Variants in ZPBP observed in about 807,000 individuals in gnomAD.
ZPBP encodes the protein zona pellucida binding protein.
In ZPBP, 26 loss-of-function variants were observed where a neutral mutation model predicts 44.8. The ratio of observed to expected loss-of-function variants is 0.58; its 90% confidence interval spans 0.43 to 0.81. The LOEUF (loss-of-function observed/expected upper bound fraction) is 0.81. Among genes scored for constraint, ZPBP ranks in the 30% least tolerant of loss-of-function variants. The pLI, the probability that ZPBP is intolerant of heterozygous loss-of-function variation, is 0.00. For synonymous variants in ZPBP, 174 were observed against 153.2 expected (o/e 1.14, Z -1.00); for missense variants, 409 against 434.0 (o/e 0.94, Z 0.51).
At chr7:49,850,636 A>G (rs780991710) in intron 2 of ZPBP, 2 of 152,204 alleles carry the variant, frequency 1.3e-5, no homozygotes, top group African/African-American at 4.8e-5. Flanking sequence ...TACCTAAAGG[A>G]TCAACTGTTT....
At chr7:49,917,781 T>C (rs562667354) in intron 1 of ZPBP, 1 of 152,218 alleles carries the variant, frequency 6.6e-6, no homozygotes, top group South Asian at 2.1e-4. Flanking sequence ...ATTAATATTT[T>C]CTATTATTTG....
At chr7:49,917,563 G>A (rs190982881) in intron 1 of ZPBP, 1 of 152,264 alleles carries the variant, frequency 6.6e-6, no homozygotes, top group African/African-American at 2.4e-5. Flanking sequence ...AGCAATCAAA[G>A]TATGTACCTA....
chr7:50,015,885 T>C (rs1291473646), intron 6 of ZPBP, among the ~76,000 whole-genome samples: 1 of 152,096 alleles, frequency 6.6e-6, no homozygotes, highest in Non-Finnish European at 1.5e-5. Flanking sequence ...CCAGTAAGAA[T>C]GGCTATTATT....
At chr7:50,086,056 A>G (rs1323200948) in intron 2 of ZPBP, among the ~76,000 whole-genome samples, 2 of 152,140 alleles carry the variant, frequency 1.3e-5, no homozygotes, top group Non-Finnish European at 2.9e-5. Context: ...CTAGGAGACT[A>G]ACTAGTTCAA....
At chr7:50,019,420 A>G (rs1206372230) in intron 5 of ZPBP, among the ~76,000 whole-genome samples, 1 of 152,100 alleles carries the variant, frequency 6.6e-6, no homozygotes, top group African/African-American at 2.4e-5. Context: ...ACTTCCTTAG[A>G]ACCCATAAAA....
intron 3 of ZPBP, among the ~76,000 whole-genome samples, chr7:50,064,845 C>G (rs1344825937): frequency 6.6e-6 from 1 of 152,130 alleles, no homozygotes; most frequent in Non-Finnish European, 1.5e-5. Context: ...ATACATCCTC[C>G]TCGGCTGACA....
chr7:50,002,604 A>G (rs1334642634), intron 6 of ZPBP, among the ~76,000 whole-genome samples: 1 of 152,226 alleles, frequency 6.6e-6, no homozygotes, highest in Non-Finnish European at 1.5e-5. Context: ...CCAGAAGGGT[A>G]AAGTATCTGA....
intron 2 of ZPBP, among the ~76,000 whole-genome samples, chr7:49,887,532 G>A (rs1362984353): frequency 1.7e-5 from 1 of 57,848 alleles, no homozygotes; most frequent in Non-Finnish European, 3.5e-5. Context: ...ACACCATGCT[G>A]TATTCTTAAA....
chr7:49,983,420 G>C lies in ZPBP; in HGVS notation c.883C>G (p.Gln295Glu). ...AAGCAGCGATTAATCCAAACCATTT[G>C]GAGAGTACCTTCAATATAGTATATT... is the stretch of plus-strand genomic sequence containing the variant. ...PQIYYIEGTL[Q>E]MVWINRCFPG... The change falls in exon 7 of 8, where the codon CAA becomes GAA. Residue 295 changes from glutamine to glutamate, a missense_variant. Coordinates refer to ENST00000046087, the MANE Select transcript of ZPBP (RefSeq NM_007009.3). The C allele has an allele frequency of 1.2e-6, 2 of 1,613,054 alleles. No homozygotes were observed. Among genetic ancestry groups the C allele is most frequent in the South Asian group, 2.2e-5 (2 of 91,044 alleles).
chr7:50,070,142 C>G (rs1298988039), intron 3 of ZPBP, among the ~76,000 whole-genome samples: 1 of 152,154 alleles, frequency 6.6e-6, no homozygotes, highest in African/African-American at 2.4e-5. Flanking sequence ...TGTCTCTCAT[C>G]CTGGGTAGGT....
rs1801056049 is a variant in ZPBP, at chr7:50,058,052, G to A, written c.424C>T (p.Leu142Phe). The A allele has an allele frequency of 6.2e-7, 1 of 1,613,390 alleles. No individual in the cohort carries two copies. Among genetic ancestry groups the A allele is most frequent in the Non-Finnish European group, 8.5e-7 (1 of 1,179,750 alleles). Residue 142 changes from leucine to phenylalanine, a missense_variant, in exon 4 of 8, where the codon CTC becomes TTC. Physicochemically the swap from Leu to Phe is conservative, Grantham distance 22. Transcript: ENST00000046087. ...ESMSGIYTCF[L>F]EYKPTVEEIV... ...TCTTCCACAGTAGGTTTATATTCGAGGAAACATGTATAAATTCCACTCATA... is the reference window on the plus strand; with the variant it reads ...TCTTCCACAGTAGGTTTATATTCGAAGAAACATGTATAAATTCCACTCATA...
chr7:50,010,908 C>CAAAAAAAAA (rs71554292), intron 6 of ZPBP, among the ~76,000 whole-genome samples: 4 of 92,432 alleles, frequency 4.3e-5, no homozygotes, highest in Admixed American at 1.1e-4. Flanking sequence ...CAAGACCAAG[C>CAAAAAAAAA]AAAAAAAAAA....
chr7:49,948,689 C>A (rs140631419), intron 7 of ZPBP, among the ~76,000 whole-genome samples: 1 of 151,832 alleles, frequency 6.6e-6, no homozygotes, highest in Non-Finnish European at 1.5e-5. Context: ...CACAATGAGA[C>A]GACAAGTATC....
chr7:50,023,211 A>G (rs942545347), intron 5 of ZPBP, among the ~76,000 whole-genome samples: 1 of 152,060 alleles, frequency 6.6e-6, no homozygotes, highest in African/African-American at 2.4e-5. Context: ...CTCAGTGTAA[A>G]TTGAGAAAGA....
intron 2 of ZPBP, among the ~76,000 whole-genome samples, chr7:50,084,232 T>C (rs1349564755): frequency 3.3e-5 from 5 of 151,674 alleles, no homozygotes; most frequent in Admixed American, 2.0e-4. Context: ...GAAGGAAGTG[T>C]GAACTGGTGC....
At chr7:49,853,442 G>A (rs191559335) in intron 2 of ZPBP, among the ~76,000 whole-genome samples, 26 of 152,278 alleles carry the variant, frequency 1.7e-4, no homozygotes, top group African/African-American at 6.0e-4. Context: ...GCTGGGCATC[G>A]GGGCATATTA....
At chr7:49,889,307 A>T (rs1792031184) in intron 2 of ZPBP, among the ~76,000 whole-genome samples, 1 of 152,234 alleles carries the variant, frequency 6.6e-6, no homozygotes, top group Admixed American at 6.5e-5. Context: ...TGAAGGTTAA[A>T]CTTGACGGCA....
intron 6 of ZPBP, among the ~76,000 whole-genome samples, chr7:50,014,970 CAAT>C (rs1454332872): frequency 2.0e-5 from 3 of 152,094 alleles, no homozygotes; most frequent in African/African-American, 7.2e-5. Context: ...ATGAGACCAA[CAAT>C]GAGACAAATA....
At chr7:49,850,729 A>G (rs1451879262) in intron 2 of ZPBP, among the ~76,000 whole-genome samples, 2 of 152,168 alleles carry the variant, frequency 1.3e-5, no homozygotes, top group African/African-American at 4.8e-5. Context: ...CCAATATCTC[A>G]CCTGTGTGAC....
Sources: allele counts gnomAD v4.1 joint callset (sites outside exome capture counted in the v4.1 genomes callset), GRCh38; gene constraint gnomAD v4.1.1; transcripts MANE v1.5; gene names NCBI Gene and HGNC (gene_info 2026-07-23, HGNC 2026-07-21).